GNAQ: variants seen among roughly 807,000 people sequenced by gnomAD.
The protein encoded by GNAQ is G protein subunit alpha q, also known as guanine nucleotide-binding protein G(q) subunit alpha.
GNAQ carries 8 observed loss-of-function variants against 43.9 expected under a neutral mutation model. That is an observed-to-expected ratio of 0.18 (90% CI 0.11 to 0.33). The LOEUF is 0.33. GNAQ is among the 10% of genes least tolerant of loss of function. The pLI, the probability that GNAQ is intolerant of heterozygous loss-of-function variation, is 1.00. For synonymous variants in GNAQ, 155 were observed against 170.7 expected (o/e 0.91, Z 0.71); for missense variants, 158 against 450.8 (o/e 0.35, Z 5.88).
At chr9:77,789,348 G>A (rs968324538) in intron 5 of GNAQ, among the ~76,000 whole-genome samples, 2 of 152,092 alleles carry the variant, frequency 1.3e-5, no homozygotes, top group Admixed American at 1.3e-4. Flanking sequence ...GAAGATATTT[G>A]TATACATATA....
intron 1 of GNAQ, among the ~76,000 whole-genome samples, chr9:77,971,235 T>C (rs1430773181): frequency 6.6e-6 from 1 of 152,188 alleles, no homozygotes; most frequent in Non-Finnish European, 1.5e-5. Context: ...TCCGAAACTA[T>C]TTCAATCAAC....
intron 5 of GNAQ, among the ~76,000 whole-genome samples, chr9:77,782,570 T>G (rs1233730119): frequency 6.6e-6 from 1 of 152,202 alleles, no homozygotes; most frequent in Non-Finnish European, 1.5e-5. Context: ...TACAGCCATT[T>G]TGGAAGACAG....
intron 2 of GNAQ, among the ~76,000 whole-genome samples, chr9:77,914,980 G>A (rs1296922007): frequency 6.6e-6 from 1 of 152,132 alleles, no homozygotes; most frequent in Non-Finnish European, 1.5e-5. Flanking sequence ...CATAGGTGCT[G>A]TAGAATGGAT....
At chr9:77,808,230 T>G (rs117991219) in intron 3 of GNAQ, among the ~76,000 whole-genome samples, 5,575 of 152,060 alleles carry the variant, frequency 0.037, 119 homozygotes, top group Non-Finnish European at 0.052. Flanking sequence ...TTCTCTGTAA[T>G]GAAGGTTAGA....
At chr9:77,762,063 G>A (rs1180988116) in intron 5 of GNAQ, among the ~76,000 whole-genome samples, 3 of 132,062 alleles carry the variant, frequency 2.3e-5, no homozygotes, top group African/African-American at 8.6e-5. Flanking sequence ...CGCCCCGTCC[G>A]GGAGGGAGGT....
intron 2 of GNAQ, among the ~76,000 whole-genome samples, chr9:77,883,648 C>G (rs553452599): frequency 6.6e-6 from 1 of 151,758 alleles, no homozygotes; most frequent in Non-Finnish European, 1.5e-5. Context: ...CCCCCGCCCC[C>G]ACTCTCCTCG....
At chr9:77,981,519 A>G (rs1004482457) in intron 1 of GNAQ, among the ~76,000 whole-genome samples, 3 of 152,224 alleles carry the variant, frequency 2.0e-5, no homozygotes, top group Admixed American at 6.5e-5. Context: ...AGGGAGGTGC[A>G]TGCAGAGGCA....
intron 1 of GNAQ, among the ~76,000 whole-genome samples, chr9:77,966,658 A>C (rs959409661): frequency 6.6e-6 from 1 of 152,226 alleles, no homozygotes. Flanking sequence ...AAGTTTATTC[A>C]TCATAAAGTC....
At chr9:77,770,506 G>T (rs967046031) in intron 5 of GNAQ, among the ~76,000 whole-genome samples, 1 of 152,184 alleles carries the variant, frequency 6.6e-6, no homozygotes, top group Non-Finnish European at 1.5e-5. Context: ...ACAGGCCTTT[G>T]TCGGAAAAGA....
intron 2 of GNAQ, among the ~76,000 whole-genome samples, chr9:77,913,909 A>G (rs1828851691): frequency 6.6e-6 from 1 of 152,152 alleles, no homozygotes. Flanking sequence ...AATTTTTATT[A>G]TCGAAAAAGA....
chr9:77,859,348 G>C (rs1827808499), intron 2 of GNAQ, among the ~76,000 whole-genome samples: 1 of 152,080 alleles, frequency 6.6e-6, no homozygotes, highest in South Asian at 2.1e-4. Context: ...GATTTGTTTT[G>C]CTTTAACTAC....
At chr9:77,929,841 T>A (rs947546827) in intron 1 of GNAQ, among the ~76,000 whole-genome samples, 26 of 151,726 alleles carry the variant, frequency 1.7e-4, no homozygotes, top group African/African-American at 5.3e-4. Context: ...CACACAAAAA[T>A]TTTTTTTTAA....
At chr9:77,800,014 A>T (rs1429282892) in intron 3 of GNAQ, among the ~76,000 whole-genome samples, 1 of 152,238 alleles carries the variant, frequency 6.6e-6, no homozygotes, top group Non-Finnish European at 1.5e-5. Context: ...GAGTCCTCTG[A>T]TAAGAGTTAG....
chr9:77,761,866 C>T (rs1181824638), intron 5 of GNAQ, among the ~76,000 whole-genome samples: 1 of 81,442 alleles, frequency 1.2e-5, no homozygotes, highest in Non-Finnish European at 2.6e-5. Flanking sequence ...GTCAGCCCCC[C>T]GCCTGGCCAG....
intron 5 of GNAQ, among the ~76,000 whole-genome samples, chr9:77,788,072 T>G (rs1165177609): frequency 2.6e-5 from 4 of 152,028 alleles, no homozygotes. Context: ...CCCAAAACCC[T>G]TCTGCAAAAT....
chr9:77,860,594 C>T (rs553207089), intron 2 of GNAQ, among the ~76,000 whole-genome samples: 2 of 152,284 alleles, frequency 1.3e-5, no homozygotes, highest in Admixed American at 1.3e-4. Flanking sequence ...ATAGGGTTTG[C>T]ACTTTTGTGA....
At chr9:77,954,035 A>G (rs1823013204) in intron 1 of GNAQ, among the ~76,000 whole-genome samples, 1 of 152,236 alleles carries the variant, frequency 6.6e-6, no homozygotes, top group Non-Finnish European at 1.5e-5. Flanking sequence ...TTCTTCCAGA[A>G]AAAGGTTTAA....
intron 1 of GNAQ, among the ~76,000 whole-genome samples, chr9:77,937,926 T>C (rs967209184): frequency 6.6e-5 from 10 of 152,152 alleles, no homozygotes; most frequent in African/African-American, 2.4e-4. Flanking sequence ...TAAAAAAAGA[T>C]AGAAGAGCTT....
intron 1 of GNAQ, among the ~76,000 whole-genome samples, chr9:77,937,574 C>G (rs1200829074): frequency 6.6e-6 from 1 of 151,946 alleles, no homozygotes; most frequent in African/African-American, 2.4e-5. Flanking sequence ...TGTCAAATAC[C>G]TAACTACTCA....
Sources: allele counts gnomAD v4.1 joint callset (sites outside exome capture counted in the v4.1 genomes callset), GRCh38; gene constraint gnomAD v4.1.1; transcripts MANE v1.5; gene names NCBI Gene and HGNC (gene_info 2026-07-23, HGNC 2026-07-21).